PTCH2: variants seen among roughly 807,000 people sequenced by gnomAD.
The protein encoded by PTCH2 is protein patched homolog 2.
In PTCH2, 96 loss-of-function variants were observed where a neutral mutation model predicts 117.9. The ratio of observed to expected loss-of-function variants is 0.81; its 90% CI spans 0.69 to 0.96. The LOEUF (loss-of-function observed/expected upper bound fraction) is 0.96. Among genes scored for constraint, PTCH2 ranks in the 50% least tolerant of loss-of-function variants. The pLI is 0.00. For missense variants in PTCH2, 1,379 were observed against 1,562.5 expected, an observed-to-expected ratio of 0.88 and a Z score of 1.98; for synonymous variants, 615 against 660.9, an observed-to-expected ratio of 0.93 and a Z score of 1.06.
At position 44,822,007 on chromosome 1, in the gene PTCH2, C is replaced by A; in HGVS notation, c.*408G>T. 1 of 1,306,710 alleles carries A rather than the reference C, an allele frequency of 7.7e-7. No individual in the cohort carries two copies. Among genetic ancestry groups the A allele is most frequent in the Non-Finnish European group, 1.0e-6 (1 of 1,000,850 alleles). The allele number at this position is 1,306,710 out of a possible 1,614,324, so 80.9% of individuals were successfully genotyped here. ...TCATCATAGCTAACATGTATGTATACTACAAAAATAGACATTTTCATATAA... is the reference window on the plus strand; with the variant it reads ...TCATCATAGCTAACATGTATGTATAATACAAAAATAGACATTTTCATATAA... On this transcript the variant is annotated 3_prime_UTR_variant, in exon 22 of 22. Transcript: ENST00000372192.
chr1:44,841,726 C>A, intron 2 of PTCH2, 121 bp downstream of exon 2: 2 of 1,059,740 alleles, frequency 1.9e-6, no homozygotes, highest in Non-Finnish European at 1.5e-6. Context: ...AGGACTCTGG[C>A]CAGCAGGTGA....
intron 6 of PTCH2, among the ~76,000 whole-genome samples, chr1:44,830,460 G>A (rs1436325295): frequency 2.6e-5 from 4 of 151,834 alleles, no homozygotes; most frequent in African/African-American, 4.8e-5. Context: ...AAAATTAGCC[G>A]GGCATGGTGG....
In PTCH2 at chr1:44,826,066, G is replaced by A. The variant is rs368931931; in HGVS notation, c.3114+184C>T. Reference sequence around the variant, plus strand: ...TCACCATGTTGGCCAGGCTGGTTTCGAACTCCTGACCTCAGGTGATCCACC... The same window carrying A: ...TCACCATGTTGGCCAGGCTGGTTTCAAACTCCTGACCTCAGGTGATCCACC... On this transcript the variant is annotated intron_variant, in intron 19 of 21. Transcript: ENST00000372192. The surrounding 1 kb of genome is among the most constrained non-coding windows in gnomAD (Gnocchi z 5.1). Among the ~76,000 whole-genome samples, 4 of 152,124 alleles carry A rather than the reference G, an allele frequency of 2.6e-5. No homozygotes were observed. Among genetic ancestry groups the A allele is most frequent in the Non-Finnish European group, 4.4e-5 (3 of 67,994 alleles).
downstream of PTCH2, chr1:44,820,167 A>G: frequency 2.9e-6 from 1 of 349,984 alleles, no homozygotes; most frequent in African/African-American, 2.1e-5. Flanking sequence ...GAGGGAGTGC[A>G]AGCATCTTGA....
rs192320525 is a variant in PTCH2 at position 44,827,313 on chromosome 1, G to A, written c.2372-4C>T. 3.5e-5 allele frequency: 56 copies of A among 1,613,824 alleles called. No individual in the cohort carries two copies. In the Admixed American group the frequency reaches 9.0e-4, roughly 26 times the overall value. Reference sequence around the variant, plus strand: ...TGGTCAAAGGCAGCCTGGATTCCTGGGGGAGACCAGGATAGGGTTCTATTA... The same window carrying A: ...TGGTCAAAGGCAGCCTGGATTCCTGAGGGAGACCAGGATAGGGTTCTATTA... On this transcript the variant is annotated splice_region_variant and splice_polypyrimidine_tract_variant and intron_variant, in intron 15 of 21. Transcript: ENST00000372192.
Position 44,831,647 on chromosome 1 carries a change from C to G in PTCH2, c.617+59G>C. The G allele has an allele frequency of 6.8e-7, 1 of 1,470,434 alleles. No individual in the cohort carries two copies. The highest frequency in any genetic ancestry group is 9.3e-7 in the Non-Finnish European group (1 of 1,073,360). 91.1% of individuals were successfully genotyped at this position (1,470,434 alleles called of 1,614,324 possible). A position where few individuals can be genotyped will look rare whatever the true frequency, so the allele number is the denominator to read the frequency against. ...ATCATCCTCATTCCCCAGACCCCTC[C>G]TTTCTGCTGGGAGAGTCCCCAGCGG... is the stretch of plus-strand genomic sequence containing the variant. On this transcript the variant is annotated intron_variant, in intron 5 of 21. Coordinates refer to ENST00000372192, the MANE Select transcript of PTCH2 (RefSeq NM_003738.5). The surrounding 1 kb of genome is among the most constrained non-coding windows in gnomAD (Gnocchi z 4.3).
rs575168006 is a variant in PTCH2, at chr1:44,838,184, T to G, written c.265+3663A>C. Among the ~76,000 whole-genome samples, 12 of 152,306 alleles carry G rather than the reference T, an allele frequency of 7.9e-5. No homozygotes were observed. The South Asian group carries it at 2.5e-3, about 32-fold the overall frequency. On this transcript the variant is annotated intron_variant, in intron 2 of 21. Transcript: ENST00000372192. Reference sequence around the variant, plus strand: ...TGGGTGAACAAGAACTGAGGCTGACTCCTAAGGTTTTAGCTTTAGGTATTT... The same window carrying G: ...TGGGTGAACAAGAACTGAGGCTGACGCCTAAGGTTTTAGCTTTAGGTATTT...
intron 3 of PTCH2, 46 bp downstream of exon 3, chr1:44,832,106 A>G (rs535579713): frequency 1.2e-6 from 2 of 1,613,104 alleles, no homozygotes; most frequent in Non-Finnish European, 8.5e-7. Context: ...CAGAACCCCC[A>G]CAGCACGCCT....
chr1:44,829,126 G>A (rs1188748098), intron 10 of PTCH2, 31 bp downstream of exon 10: 2 of 1,613,794 alleles, frequency 1.2e-6, no homozygotes, highest in East Asian at 4.5e-5. Context: ...CTGGTGACTG[G>A]CACTGAGTCT....
intron 1 of PTCH2, 145 bp downstream of exon 1, chr1:44,842,716 G>T: frequency 1.3e-6 from 1 of 788,692 alleles, no homozygotes; most frequent in Non-Finnish European, 2.1e-6. Flanking sequence ...CGACACACAC[G>T]CACAACTTGC....
At position 44,826,533 on chromosome 1, in the gene PTCH2, G is replaced by A. The variant is rs145617280; in HGVS notation, c.2931C>T (p.Leu977=). 1.4e-5 allele frequency: 23 copies of A among 1,613,714 alleles called. No homozygotes were observed. Among genetic ancestry groups the A allele is most frequent in the South Asian group, 4.4e-5 (4 of 91,086 alleles). The change falls in exon 18 of 22, where the codon CTC becomes CTT. Residue 977 remains leucine (L), a synonymous_variant. Transcript: ENST00000372192. The surrounding 1 kb of genome is among the most constrained non-coding windows in gnomAD (Gnocchi z 5.1). ...GGTTGAGGAGCAGCAGAGCACAGAC[G>A]AGGAAAGTGCACACCAGCAGGATGC... is the stretch of plus-strand genomic sequence containing the variant. ...AVCILLVCTF[L]VCALLLLNPW...
Position 44,829,678 on chromosome 1 carries a change from T to TC in PTCH2, c.1018dup (p.Asp340GlyfsTer6), listed in dbSNP as rs764865626. On this transcript the variant is annotated frameshift_variant, in exon 8 of 22. Transcript: ENST00000372192. LOFTEE classifies it high-confidence loss of function. ...GGCCTGCTCCTCACTCCAGCCAATG[T>TC]CATGTGTCTGATAGTCACCCCGGAA... 5.0e-6 allele frequency: 8 copies of TC among 1,614,072 alleles called. No individual in the cohort carries two copies. The South Asian group carries it at 8.8e-5, about 18-fold the overall frequency.
At position 44,830,946 on chromosome 1, in the gene PTCH2, C is replaced by G. The variant is rs2148879187; in HGVS notation, c.715G>C (p.Asp239His). The change falls in exon 6 of 22, where the codon GAC becomes CAC. Residue 239 changes from aspartate to histidine, a missense_variant. Physicochemically the swap from Asp to His is moderately conservative, Grantham distance 81 (BLOSUM62 -1). Transcript: ENST00000372192. The part of the protein sequence containing the change: ...ASLEGFRELL[D>H]KAQVGQAYVG... ...TAGGCCTGGCCCACCTGTGCCTTGT[C>G]TAGCAGCTCCCGGAAGCCCTCAAGG... 1 of 1,609,018 alleles carries G rather than the reference C, an allele frequency of 6.2e-7. No homozygotes were observed. Among genetic ancestry groups the G allele is most frequent in the Non-Finnish European group, 8.5e-7 (1 of 1,176,346 alleles).
intron 10 of PTCH2, 22 bp downstream of exon 10, chr1:44,829,135 C>G (rs2148877015): frequency 6.2e-7 from 1 of 1,613,860 alleles, no homozygotes; most frequent in Non-Finnish European, 8.5e-7. Context: ...GGCACTGAGT[C>G]TGCCCTGCAG....
At position 44,822,443 on chromosome 1, in the gene PTCH2, G is replaced by A. The variant is rs145536878; in HGVS notation, c.3584C>T (p.Ser1195Phe). The change falls in exon 22 of 22, where the codon TCC becomes TTC. Residue 1195 changes from serine to phenylalanine, a missense_variant. By Grantham distance (155) the Ser-to-Phe change is radical (BLOSUM62 -2). Coordinates refer to ENST00000372192, the MANE Select transcript of PTCH2 (RefSeq NM_003738.5). ...CCCAGTGGCTGGACCTGGTCCCCTG[G>A]AACTGAGGTTGCCAGAGCTAGTGGC... ...PAATSSGNLS[S>F]RGPGPATG 2.1e-5 allele frequency: 34 copies of A among 1,613,774 alleles called. No individual in the cohort carries two copies. The Admixed American group carries it at 3.0e-4, about 14-fold the overall frequency.
At chr1:44,834,329 G>A (rs576335406) in intron 2 of PTCH2, among the ~76,000 whole-genome samples, 5 of 151,950 alleles carry the variant, frequency 3.3e-5, no homozygotes, top group East Asian at 3.9e-4. Context: ...CACCCTGTTC[G>A]CCAGGCTGAT....
At position 44,832,225 on chromosome 1, in the gene PTCH2, T is replaced by G. The variant is rs775458482; in HGVS notation, c.382A>C (p.Thr128Pro). The G allele has an allele frequency of 6.2e-7, 1 of 1,614,134 alleles. No individual in the cohort carries two copies. The highest frequency in any genetic ancestry group is 8.5e-7 in the Non-Finnish European group (1 of 1,180,018). ...TARQEGENIL[T>P]PEALGLHLQA... ...AGGTGGAGGCCAAGTGCTTCGGGTG[T>G]GAGGATGTTCTCTCCCTCCTGGCGT... The change falls in exon 3 of 22, where the codon ACA becomes CCA. Residue 128 changes from threonine (T) to proline (P), a missense_variant. Thr to Pro is a conservative substitution (Grantham distance 38). Transcript: ENST00000372192.
In PTCH2 at chr1:44,826,734, G is replaced by C; in HGVS notation, c.2730C>G (p.Phe910Leu). The change falls in exon 18 of 22, where the codon TTC becomes TTG. Residue 910 changes from phenylalanine to leucine, a missense_variant. Phe to Leu is a conservative substitution (Grantham distance 22). Transcript: ENST00000372192. The surrounding 1 kb of genome is among the most constrained non-coding windows in gnomAD (Gnocchi z 5.1). ...PPAQPLEFAQ[F>L]PFLLRGLQKT... ...TCTGGAGGCCACGCAGCAGGAAGGGGAACTGGGCAAACTCCAAGGGCTGAG... is the reference window on the plus strand; with the variant it reads ...TCTGGAGGCCACGCAGCAGGAAGGGCAACTGGGCAAACTCCAAGGGCTGAG... The C allele has an allele frequency of 6.3e-7, 1 of 1,595,734 alleles. No homozygotes were observed. The highest frequency in any genetic ancestry group is 8.6e-7 in the Non-Finnish European group (1 of 1,169,022).
Position 44,828,472 on chromosome 1 carries a change from C to T in PTCH2, c.1590+34G>A, listed in dbSNP as rs11573583. 2.2e-3 allele frequency: 3,533 copies of T among 1,614,166 alleles called. 74 individuals are homozygous for T. In the African/African-American group the frequency reaches 0.041, roughly 19 times the overall value. On this transcript the variant is annotated intron_variant, in intron 12 of 21. Coordinates refer to ENST00000372192, the MANE Select transcript of PTCH2 (RefSeq NM_003738.5). ...GATGAAGCTTGGCCTCAGCCCCACA[C>T]CCACCCTGAGCTGCCCCGTGTGAGA... is the stretch of plus-strand genomic sequence containing the variant.
Sources: allele counts gnomAD v4.1 joint callset (sites outside exome capture counted in the v4.1 genomes callset), GRCh38; gene constraint gnomAD v4.1.1; non-coding constraint Gnocchi (gnomAD v3.1); transcripts MANE v1.5; gene names NCBI Gene and HGNC (gene_info 2026-07-23, HGNC 2026-07-21).